Variants in HIVEP3 observed in about 807,000 individuals in gnomAD.
The protein encoded by HIVEP3 is transcription factor HIVEP3.
A neutral mutation model predicts 152.8 loss-of-function variants in HIVEP3; 49 were observed. The ratio of observed to expected loss-of-function variants is 0.32; its 90% CI spans 0.26 to 0.41. The LOEUF (loss-of-function observed/expected upper bound fraction) is 0.41. Ranked by LOEUF, HIVEP3 falls within the 10% of genes least tolerant of loss-of-function variation. The pLI, the probability that HIVEP3 is intolerant of heterozygous loss-of-function variation, is 1.00. For missense variants in HIVEP3, 2,790 were observed against 3,103.3 expected, an observed-to-expected ratio of 0.90 and a Z score of 2.40; for synonymous variants, 1,269 against 1,289.0, an observed-to-expected ratio of 0.98 and a Z score of 0.33.
In HIVEP3 at chr1:41,580,356, G is replaced by A; in HGVS notation, c.4442C>T (p.Pro1481Leu). 1.2e-6 allele frequency: 2 copies of A among 1,614,200 alleles called. No individual in the cohort carries two copies. The change falls in exon 4 of 9, where the codon CCA becomes CTA. Residue 1481 changes from proline to leucine, a missense_variant. Coordinates refer to ENST00000372583, the MANE Select transcript of HIVEP3 (RefSeq NM_024503.5). ...CTGGTTGCCTAAGTGGGATTTCTCT[G>A]GCCTCTTCCCATCCTCGGTGCTGGT... ...VLTSTEDGKRPEKSHLGNQGQ... is the reference protein window; with the variant it reads ...VLTSTEDGKRLEKSHLGNQGQ...
intron 1 of HIVEP3, among the ~76,000 whole-genome samples, chr1:41,730,180 T>C (rs1646816646): frequency 6.6e-6 from 1 of 152,112 alleles, no homozygotes; most frequent in Non-Finnish European, 1.5e-5. Context: ...TCTTTGTCCA[T>C]TTGAGAGGCC....
intron 1 of HIVEP3, among the ~76,000 whole-genome samples, chr1:41,757,735 C>T (rs10890165): frequency 0.98 from 148,494 of 151,650 alleles, 72,777 homozygotes; most frequent in East Asian, 1. Context: ...ATTTTTGAGA[C>T]GGAGTTTCAC....
intron 1 of HIVEP3, among the ~76,000 whole-genome samples, chr1:41,959,477 G>C (rs777007979): frequency 3.3e-5 from 5 of 152,176 alleles, no homozygotes; most frequent in Non-Finnish European, 7.3e-5. Context: ...ATGACCATGT[G>C]ATCCACTGCT....
intron 1 of HIVEP3, among the ~76,000 whole-genome samples, chr1:41,736,247 T>C (rs1237985630): frequency 2.6e-5 from 4 of 152,220 alleles, no homozygotes; most frequent in Non-Finnish European, 5.9e-5. Context: ...GGGGGAAACC[T>C]GAACGAATTT....
intron 5 of HIVEP3, among the ~76,000 whole-genome samples, chr1:41,527,469 C>CA: frequency 1.4e-5 from 2 of 140,044 alleles, no homozygotes; most frequent in East Asian, 4.6e-4. Context: ...TGTCCTCACA[C>CA]TCACCTTCAT....
intron 1 of HIVEP3, among the ~76,000 whole-genome samples, chr1:41,948,418 C>G (rs1031281275): frequency 1.3e-5 from 2 of 152,140 alleles, no homozygotes; most frequent in Admixed American, 1.3e-4. Context: ...CATCAGGAAG[C>G]CATTAGGAGA....
intron 1 of HIVEP3, among the ~76,000 whole-genome samples, chr1:41,798,691 G>C (rs763434276): frequency 1.3e-5 from 2 of 151,538 alleles, no homozygotes; most frequent in Admixed American, 6.6e-5. Flanking sequence ...TATTGTCTTT[G>C]CTTTGTTAAA....
chr1:41,896,971 GAC>G (rs959060249), intron 1 of HIVEP3, among the ~76,000 whole-genome samples: 1 of 152,170 alleles, frequency 6.6e-6, no homozygotes, highest in African/African-American at 2.4e-5. Flanking sequence ...AGAGGATCCT[GAC>G]AGCAGTCATG....
chr1:41,956,623 A>G (rs1182172717), intron 1 of HIVEP3, among the ~76,000 whole-genome samples: 1 of 152,250 alleles, frequency 6.6e-6, no homozygotes, highest in Non-Finnish European at 1.5e-5. Context: ...AAGAGGGCCA[A>G]GATTACCCTC....
At chr1:41,786,758 T>C (rs974953085) in intron 1 of HIVEP3, among the ~76,000 whole-genome samples, 19 of 151,388 alleles carry the variant, frequency 1.3e-4, no homozygotes, top group South Asian at 8.4e-4. Flanking sequence ...TTCTTTCTTT[T>C]TTTTTTTTTT....
intron 5 of HIVEP3, among the ~76,000 whole-genome samples, chr1:41,534,995 G>A (rs1006508930): frequency 7.2e-5 from 11 of 152,076 alleles, no homozygotes; most frequent in African/African-American, 2.7e-4. Context: ...CCTGAGACAC[G>A]GCAGAGCACG....
intron 1 of HIVEP3, among the ~76,000 whole-genome samples, chr1:41,739,249 G>A (rs1646962904): frequency 6.6e-6 from 1 of 152,234 alleles, no homozygotes; most frequent in Non-Finnish European, 1.5e-5. Context: ...CGTGCACAGA[G>A]CAGCCGGTGG....
chr1:41,986,763 T>C lies in HIVEP3; in HGVS notation n.119+49044A>G, dbSNP rs181064976. Reference sequence around the variant, plus strand: ...CCGAATAGGACATTTTTAACACAAATGTATTTATTAATTGCTGCCCATTTC... The same window carrying C: ...CCGAATAGGACATTTTTAACACAAACGTATTTATTAATTGCTGCCCATTTC... On this transcript the variant is annotated intron_variant and non_coding_transcript_variant, in intron 1 of 3. Coordinates refer to the HIVEP3 transcript ENST00000489103. Among the ~76,000 whole-genome samples the C allele has an allele frequency of 2.6e-5, 4 of 152,346 alleles. No homozygotes were observed. In the East Asian group the frequency reaches 7.7e-4, roughly 29 times the overall value.
chr1:42,005,900 T>A (rs1422613326), intron 1 of HIVEP3, among the ~76,000 whole-genome samples: 1 of 152,338 alleles, frequency 6.6e-6, no homozygotes, highest in Admixed American at 6.5e-5. Context: ...GATAATCTCT[T>A]CTTGGCTGGT....
intron 1 of HIVEP3, among the ~76,000 whole-genome samples, chr1:42,029,499 G>A (rs1441507017): frequency 6.6e-6 from 1 of 152,158 alleles, no homozygotes; most frequent in Non-Finnish European, 1.5e-5. Flanking sequence ...AACAGACTAG[G>A]AGAGGCCCCT....
intron 5 of HIVEP3, among the ~76,000 whole-genome samples, chr1:41,565,555 CAG>C (rs67612053): frequency 0.034 from 5,139 of 148,988 alleles, 264 homozygotes; most frequent in African/African-American, 0.11. Context: ...CACACACACA[CAG>C]AGAGAGAGAG....
At chr1:41,691,550 A>G (rs1646198981) in intron 2 of HIVEP3, among the ~76,000 whole-genome samples, 1 of 152,188 alleles carries the variant, frequency 6.6e-6, no homozygotes, top group Non-Finnish European at 1.5e-5. Flanking sequence ...CCAAAGAAAG[A>G]CTTCTCATCC....
At chr1:41,519,590 C>G (rs976919199) in intron 6 of HIVEP3, among the ~76,000 whole-genome samples, 2 of 152,218 alleles carry the variant, frequency 1.3e-5, no homozygotes, top group African/African-American at 4.8e-5. Flanking sequence ...CATAAGTTCC[C>G]TGAGTCAGGT....
At position 41,506,589 on chromosome 1, in the gene HIVEP3, TTGTTTTTTTTTTTTGTTTGTTTC is replaced by T. The variant is rs1024520348; in HGVS notation, c.*3839_*3861del. The T allele has an allele frequency of 3.1e-5, 2 of 63,506 alleles. No individual in the cohort carries two copies. Among genetic ancestry groups the T allele is most frequent in the Non-Finnish European group, 4.4e-5 (1 of 22,754 alleles). 3.9% of individuals were successfully genotyped at this position (63,506 alleles called of 1,614,324 possible). A position where few individuals can be genotyped will look rare whatever the true frequency, so the allele number is the denominator to read the frequency against. On this transcript the variant is annotated 3_prime_UTR_variant, in exon 9 of 9. Transcript: ENST00000372583. ...CTGTGCTTTAGACCTGCGTGGATTT[TTGTTTTTTTTTTTTGTTTGTTTC>T]TGTTTTGTTTTTTCTTTTGCACTGA...
Sources: allele counts gnomAD v4.1 joint callset (sites outside exome capture counted in the v4.1 genomes callset), GRCh38; gene constraint gnomAD v4.1.1; transcripts MANE v1.5; gene names NCBI Gene and HGNC (gene_info 2026-07-23, HGNC 2026-07-21).